SAAL1: variants seen among roughly 807,000 people sequenced by gnomAD.
The protein encoded by SAAL1 is serum amyloid A like 1, also known as protein SAAL1.
Under a neutral mutation model 59.8 loss-of-function variants are expected in SAAL1, and 42 were observed. The ratio of observed to expected loss-of-function variants is 0.70; its 90% confidence interval spans 0.55 to 0.91. SAAL1 has a LOEUF of 0.91. Among genes scored for constraint, SAAL1 ranks in the 40% least tolerant of loss-of-function variants. The probability of loss-of-function intolerance (pLI) is 0.00; values close to 1 mark genes in which losing one functional copy is unlikely to be tolerated. For missense variants in SAAL1, 542 were observed against 561.1 expected (o/e 0.97, Z 0.34); for synonymous variants, 191 against 194.3 (o/e 0.98, Z 0.14).
In SAAL1 at chr11:18,085,187, T is replaced by C. The variant is rs377271169; in HGVS notation, c.1043-1456A>G. On this transcript the variant is annotated intron_variant, in intron 9 of 11. Transcript: ENST00000524803. ...CACTATTATTTTACACCAGAGACTC[T>C]AGGCAACCCAGAAAGACAAGAAGAA... 9.7e-4 allele frequency among the ~76,000 whole-genome samples: 148 copies of C among 152,312 alleles called. 2 individuals carry two copies. In the South Asian group the frequency reaches 0.029, roughly 30 times the overall value.
chr11:18,094,914 G>A (rs557942438), intron 3 of SAAL1, among the ~76,000 whole-genome samples: 7 of 152,254 alleles, frequency 4.6e-5, no homozygotes, highest in African/African-American at 1.7e-4. Flanking sequence ...GAATCACCTG[G>A]GGAACTTTAA....
intron 2 of SAAL1, among the ~76,000 whole-genome samples, chr11:18,100,264 T>C (rs1198299686): frequency 6.6e-6 from 1 of 152,186 alleles, no homozygotes. Flanking sequence ...TAAGTCAACA[T>C]GGTAAATATT....
At chr11:18,090,521 T>G in intron 4 of SAAL1, 28 bp from the exon 5 acceptor site, 1 of 1,591,736 alleles carries the variant, frequency 6.3e-7, no homozygotes. Context: ...TTAACCGATA[T>G]GCCTCACTTC....
At chr11:18,086,740 T>A (rs1022392768) in intron 9 of SAAL1, 126 bp downstream of exon 9, 1 of 481,750 alleles carries the variant, frequency 2.1e-6, no homozygotes, top group African/African-American at 2.0e-5. Context: ...TAAATAAATA[T>A]GATAATAAAA....
rs1848470130 is a variant in SAAL1, at chr11:18,086,918, C to CAACACTGAAAA, written c.979_989dup (p.Leu330PhefsTer18). On this transcript the variant is annotated frameshift_variant, in exon 9 of 12. Coordinates refer to ENST00000524803, the MANE Select transcript of SAAL1 (RefSeq NM_138421.3). LOFTEE classifies it high-confidence loss of function. ...CAGTCTGTGAGGCATAGATGGCAGA[C>CAACACTGAAAA]AACACTGAAAAAACAGAGGCTAGCA... 3.1e-6 allele frequency: 5 copies of CAACACTGAAAA among 1,613,986 alleles called. No individual in the cohort carries two copies. Among genetic ancestry groups the CAACACTGAAAA allele is most frequent in the Non-Finnish European group, 3.4e-6 (4 of 1,179,952 alleles).
chr11:18,104,493 T>C (rs922264278), intron 1 of SAAL1, among the ~76,000 whole-genome samples: 8 of 151,580 alleles, frequency 5.3e-5, no homozygotes, highest in Non-Finnish European at 8.8e-5. Context: ...TGTAAAGGGA[T>C]AGTCATATTA....
rs1461865665 is a variant in SAAL1 at position 18,096,835 on chromosome 11, TG to T, written c.268del (p.Gln90LysfsTer21). 1.3e-6 allele frequency: 2 copies of T among 1,580,860 alleles called. No individual in the cohort carries two copies. The highest frequency in any genetic ancestry group is 1.7e-6 in the Non-Finnish European group (2 of 1,158,878). On this transcript the variant is annotated frameshift_variant, in exon 3 of 12. Transcript: ENST00000524803. LOFTEE classifies it high-confidence loss of function. Reference sequence around the variant, plus strand: ...GAATATATCAGGAGCATTAAATTCTTGGAGAAATAAAGCCACGTCCTGAAAA... The same window carrying T: ...GAATATATCAGGAGCATTAAATTCTTGAGAAATAAAGCCACGTCCTGAAAA... ...SMDEDVALFL[Q>X]EFNAPDIFMG...
At chr11:18,083,346 GTCACAC>G in intron 10 of SAAL1, 183 bp downstream of exon 10, 1 of 437,892 alleles carries the variant, frequency 2.3e-6, no homozygotes, top group East Asian at 3.5e-5. Flanking sequence ...GCATATGTCT[GTCACAC>G]GTAAATATAC....
intron 11 of SAAL1, 40 bp downstream of exon 11, chr11:18,081,371 T>C (rs764684392): frequency 8.6e-6 from 12 of 1,398,920 alleles, no homozygotes; most frequent in Non-Finnish European, 1.2e-5. Context: ...TTAGTAATCC[T>C]ACAAAACTTG....
At chr11:18,103,434 T>G (rs1202267771) in intron 1 of SAAL1, 88 bp from the exon 2 acceptor site, 1 of 1,004,020 alleles carries the variant, frequency 1.0e-6, no homozygotes, top group East Asian at 2.4e-5. Flanking sequence ...TCAAATAACA[T>G]TTCCTCGTAA....
chr11:18,086,925 G>A lies in SAAL1; in HGVS notation c.983C>T (p.Ser328Leu). The change falls in exon 9 of 12, where the codon TCA (serine) becomes TTA (leucine). Residue 328 changes from serine (S) to leucine (L), a missense_variant. Coordinates refer to ENST00000524803, the MANE Select transcript of SAAL1 (RefSeq NM_138421.3). ...EQKTVLASVF[S>L]VLSAIYASQT... ...TGAGGCATAGATGGCAGACAACACT[G>A]AAAAAACAGAGGCTAGCACTGTTTT... The A allele has an allele frequency of 6.2e-7, 1 of 1,614,004 alleles. No homozygotes were observed. Among genetic ancestry groups the A allele is most frequent in the Non-Finnish European group, 8.5e-7 (1 of 1,179,910 alleles).
intron 3 of SAAL1, among the ~76,000 whole-genome samples, chr11:18,094,621 G>C (rs1848553993): frequency 6.6e-6 from 1 of 152,076 alleles, no homozygotes; most frequent in East Asian, 1.9e-4. Context: ...AAGGATCAGG[G>C]CCTACACCTT....
chr11:18,087,296 C>T (rs1848474300), intron 7 of SAAL1, 71 bp from the exon 8 acceptor site: 1 of 933,930 alleles, frequency 1.1e-6, no homozygotes, highest in African/African-American at 1.6e-5. Context: ...TTCCTCCATT[C>T]AATAAATATT....
At chr11:18,083,810 A>T (rs750242176) in intron 9 of SAAL1, 79 bp from the exon 10 acceptor site, 76 of 879,004 alleles carry the variant, frequency 8.6e-5, no homozygotes, top group Non-Finnish European at 1.2e-4. Flanking sequence ...TTAGTGCTAG[A>T]CATTATTATT....
Position 18,086,889 on chromosome 11 carries a change from T to A in SAAL1, c.1019A>T (p.Gln340Leu), listed in dbSNP as rs371391475. The change falls in exon 9 of 12, where the codon CAA becomes CTA. Residue 340 changes from glutamine to leucine, a missense_variant. Physicochemically the swap from Gln to Leu is moderately radical, Grantham distance 113 (BLOSUM62 -2). Coordinates refer to ENST00000524803, the MANE Select transcript of SAAL1 (RefSeq NM_138421.3). ...LSAIYASQTE[Q>L]EYLKIEKVDL... ...GCCTTTTTCTATCTTTAGATACTCT[T>A]GCTCAGTCTGTGAGGCATAGATGGC... The A allele has an allele frequency of 6.2e-7, 1 of 1,611,912 alleles. No individual in the cohort carries two copies. Among genetic ancestry groups the A allele is most frequent in the Non-Finnish European group, 8.5e-7 (1 of 1,178,784 alleles).
At chr11:18,087,114 C>T (rs1387438323) in intron 8 of SAAL1, 29 bp downstream of exon 8, 1 of 1,596,288 alleles carries the variant, frequency 6.3e-7, no homozygotes. Flanking sequence ...AAATGAGTAA[C>T]TGTAGTGCAT....
chr11:18,081,627 G>T, intron 10 of SAAL1, 124 bp from the exon 11 acceptor site: 1 of 704,966 alleles, frequency 1.4e-6, no homozygotes, highest in Non-Finnish European at 2.5e-6. Context: ...TGTCCCACCT[G>T]AACCCACCAA....
intron 3 of SAAL1, among the ~76,000 whole-genome samples, chr11:18,096,266 A>ATTAAATTATTAATAATTTAATATT (rs1170185926): frequency 5.9e-5 from 9 of 152,002 alleles, no homozygotes; most frequent in South Asian, 2.1e-4. Context: ...ATTTTAAATT[A>ATTAAATTATTAATAATTTAATATT]TTAAATTATT....
intron 2 of SAAL1, among the ~76,000 whole-genome samples, chr11:18,097,327 G>A (rs1290928874): frequency 6.6e-6 from 1 of 151,598 alleles, no homozygotes; most frequent in Non-Finnish European, 1.5e-5. Context: ...AGACAAAAGT[G>A]ATGTTAGAGA....
Sources: gnomAD v4.1 joint callset for allele counts (sites outside exome capture counted in the v4.1 genomes callset) on GRCh38, gnomAD v4.1.1 for gene constraint, MANE v1.5 for transcripts, NCBI Gene and HGNC (gene_info 2026-07-23, HGNC 2026-07-21) for gene names.